Variants in MYH9 observed in about 807,000 individuals in gnomAD.
MYH9 encodes the protein myosin-9.
In MYH9, 29 loss-of-function variants were observed where a neutral mutation model predicts 241.9. The observed-to-expected ratio is 0.12, with a 90% confidence interval of 0.09 to 0.16. The LOEUF (loss-of-function observed/expected upper bound fraction) is 0.16. MYH9 is among the 10% of genes least tolerant of loss of function. The pLI is 1.00. For missense variants in MYH9, 1,803 were observed against 2,595.5 expected, an observed-to-expected ratio of 0.69 and a Z score of 6.63; for synonymous variants, 1,047 against 1,062.6, an observed-to-expected ratio of 0.99 and a Z score of 0.29.
intron 1 of MYH9, among the ~76,000 whole-genome samples, chr22:36,368,978 A>C (rs943603374): frequency 1.3e-5 from 2 of 152,070 alleles, no homozygotes; most frequent in Non-Finnish European, 2.9e-5. Context: ...CCTGTATTAA[A>C]AGGGAAGAGA....
intron 1 of MYH9, among the ~76,000 whole-genome samples, chr22:36,375,955 C>CTTTTTTT (rs751350180): frequency 1.3e-3 from 115 of 89,054 alleles, no homozygotes; most frequent in Non-Finnish European, 1.9e-3. Flanking sequence ...TCAATAATTT[C>CTTTTTTT]TTTTTTTTTT....
At chr22:36,321,625 A>G (rs2017252689) in intron 7 of MYH9, 133 bp downstream of exon 7, 4 of 859,450 alleles carry the variant, frequency 4.7e-6, no homozygotes, top group Admixed American at 1.7e-5. Flanking sequence ...ACAGTCCCCT[A>G]GCTCCACAGA....
intron 13 of MYH9, among the ~76,000 whole-genome samples, chr22:36,312,851 G>A (rs1447280651): frequency 6.6e-6 from 1 of 152,120 alleles, no homozygotes; most frequent in Non-Finnish European, 1.5e-5. Context: ...GCTCACGCCT[G>A]TAATCCCAGC....
intron 25 of MYH9, among the ~76,000 whole-genome samples, chr22:36,296,540 C>CTTTTTTTTTTTTTTTTTTTT (rs67917055): frequency 9.9e-6 from 1 of 100,890 alleles, no homozygotes; most frequent in Non-Finnish European, 2.0e-5. Flanking sequence ...CTGGTCAAGT[C>CTTTTTTTTTTTTTTTTTTTT]TTTTTTTTTT....
chr22:36,325,666 C>T (rs748634145), intron 5 of MYH9, among the ~76,000 whole-genome samples: 8 of 152,230 alleles, frequency 5.3e-5, no homozygotes, highest in Non-Finnish European at 1.0e-4. Flanking sequence ...TGGAGGGCTC[C>T]GTGAGAGCGG....
rs758070954 is a variant in MYH9, at chr22:36,295,502, C to T, written c.3485+3G>A. The T allele has an allele frequency of 6.2e-7, 1 of 1,612,068 alleles. No homozygotes were observed. The highest frequency in any genetic ancestry group is 1.7e-5 in the Admixed American group (1 of 60,002). On this transcript the variant is annotated splice_donor_region_variant and intron_variant, in intron 26 of 40. Transcript: ENST00000216181. This position sits in a 1 kb window ranked among gnomAD's most constrained non-coding sequence, Gnocchi z 4.1. Reference sequence around the variant, plus strand: ...TCCCGAGGGACTTGGTCCCAGGGCACACCTGAGCTCCTGCTGGGCAGCTGT... The same window carrying T: ...TCCCGAGGGACTTGGTCCCAGGGCATACCTGAGCTCCTGCTGGGCAGCTGT...
In MYH9 at chr22:36,322,520, C is replaced by T. The variant is rs1398352381; in HGVS notation, c.614G>A (p.Gly205Asp). 6.2e-7 allele frequency: 1 copy of T among 1,613,626 alleles called. No homozygotes were observed. Among genetic ancestry groups the T allele is most frequent in the Admixed American group, 1.7e-5 (1 of 60,024 alleles). Residue 205 changes from glycine to aspartate, a missense_variant and splice_region_variant, in exon 6 of 41, where the codon GGC becomes GAC. Physicochemically the swap from Gly to Asp is moderately conservative, Grantham distance 94. Around this residue, in one of 11 missense-constraint regions of MYH9, gnomAD observed 222 missense variants for 359.9 expected, o/e 0.62. Coordinates refer to ENST00000216181, the MANE Select transcript of MYH9 (RefSeq NM_002473.6). ...ASSHKSKKDQGELERQLLQAN... is the reference protein window; with the variant it reads ...ASSHKSKKDQDELERQLLQAN... Reference sequence around the variant, plus strand: ...CTGCAGCAGCTGCCGCTCCAGCTCGCCCTGCAAGGAACCCAGGGACGCAGT... The same window carrying T: ...CTGCAGCAGCTGCCGCTCCAGCTCGTCCTGCAAGGAACCCAGGGACGCAGT...
Position 36,305,932 on chromosome 22 carries a change from C to T in MYH9, c.2157G>A (p.Gln719=). Residue 719 remains glutamine (Q), a splice_region_variant and synonymous_variant, in exon 17 of 41, where the codon CAG becomes CAA. Coordinates refer to ENST00000216181, the MANE Select transcript of MYH9 (RefSeq NM_002473.6). The surrounding 1 kb of genome is among the most constrained non-coding windows in gnomAD (Gnocchi z 4.7). Reference sequence around the variant, plus strand: ...GCGGGCTCCGGGCCCTGGCTCACCTCTGCCGAAACTCCTGGAAGACCACCC... The same window carrying T: ...GCGGGCTCCGGGCCCTGGCTCACCTTTGCCGAAACTCCTGGAAGACCACCC... The part of the protein sequence containing the change: ...PNRVVFQEFR[Q]RYEILTPNSI... 1.2e-6 allele frequency: 2 copies of T among 1,613,104 alleles called. No individual in the cohort carries two copies. Among genetic ancestry groups the T allele is most frequent in the Non-Finnish European group, 1.7e-6 (2 of 1,179,956 alleles).
intron 24 of MYH9, 121 bp from the exon 25 acceptor site, chr22:36,297,135 A>C: frequency 8.8e-7 from 1 of 1,139,540 alleles, no homozygotes; most frequent in Non-Finnish European, 1.3e-6. Context: ...AGCATCACAA[A>C]CACACAGACA....
At chr22:36,369,872 T>C (rs1161295875) in intron 1 of MYH9, among the ~76,000 whole-genome samples, 1 of 152,204 alleles carries the variant, frequency 6.6e-6, no homozygotes, top group Non-Finnish European at 1.5e-5. Flanking sequence ...ACGTAGGTTT[T>C]CTTGGACTCT....
chr22:36,322,402 G>C, intron 6 of MYH9, 27 bp downstream of exon 6: 2 of 1,612,180 alleles, frequency 1.2e-6, no homozygotes, highest in Non-Finnish European at 1.7e-6. Flanking sequence ...TCTGTCCCCA[G>C]AGCCGGGGCG....
chr22:36,294,331 G>T, intron 27 of MYH9, 33 bp from the exon 28 acceptor site: 1 of 1,606,580 alleles, frequency 6.2e-7, no homozygotes, highest in Non-Finnish European at 8.5e-7. Flanking sequence ...CGTGAGTGGG[G>T]GCCTCCTGAC....
chr22:36,292,386 C>T, intron 30 of MYH9, 152 bp from the exon 31 acceptor site: 1 of 1,030,848 alleles, frequency 9.7e-7, no homozygotes, highest in South Asian at 1.3e-5. Context: ...CAGTCACTTC[C>T]CTCTCCACAG....
rs374160051 is a variant in MYH9, at chr22:36,300,088, G to A, written c.2976+39C>T. The A allele has an allele frequency of 5.6e-6, 9 of 1,605,186 alleles. No individual in the cohort carries two copies. The highest frequency in any genetic ancestry group is 1.7e-4 in the Middle Eastern group (1 of 6,056). ...GTGACCACACTCTCCCATCCACGGC[G>A]CCCCTGGAGCAGCGGCAGGCGACAG... On this transcript the variant is annotated intron_variant, in intron 23 of 40. Coordinates refer to ENST00000216181, the MANE Select transcript of MYH9 (RefSeq NM_002473.6). The surrounding 1 kb of genome is among the most constrained non-coding windows in gnomAD (Gnocchi z 5.0).
At chr22:36,381,897 C>T (rs1397742766) in intron 1 of MYH9, among the ~76,000 whole-genome samples, 1 of 152,198 alleles carries the variant, frequency 6.6e-6, no homozygotes, top group East Asian at 1.9e-4. Context: ...TCCTTCAGCA[C>T]ATCTGAGTTT....
At position 36,293,724 on chromosome 22, in the gene MYH9, G is replaced by A; in HGVS notation, c.3942+35C>T. Reference sequence around the variant, plus strand: ...CGTGGACACAGAGGCCTTTCTGGAGGGGTCCACCTTCTGGGAACCTGGCGC... The same window carrying A: ...CGTGGACACAGAGGCCTTTCTGGAGAGGTCCACCTTCTGGGAACCTGGCGC... On this transcript the variant is annotated intron_variant, in intron 29 of 40. Transcript: ENST00000216181. This position sits in a 1 kb window ranked among gnomAD's most constrained non-coding sequence, Gnocchi z 5.1. 3 of 1,580,952 alleles carry A rather than the reference G, an allele frequency of 1.9e-6. No individual in the cohort carries two copies. The highest frequency in any genetic ancestry group is 2.6e-6 in the Non-Finnish European group (3 of 1,152,420).
At chr22:36,321,512 T>G (rs753101704) in intron 7 of MYH9, among the ~76,000 whole-genome samples, 10 of 152,172 alleles carry the variant, frequency 6.6e-5, no homozygotes, top group Admixed American at 3.9e-4. Context: ...GGAGCCACAC[T>G]AGACGGCTTT....
intron 1 of MYH9, among the ~76,000 whole-genome samples, chr22:36,359,491 C>T (rs187086994): frequency 1.1e-4 from 16 of 152,312 alleles, no homozygotes; most frequent in Non-Finnish European, 7.4e-5. Flanking sequence ...AACACCAAAC[C>T]ATTTATGGAC....
Position 36,368,084 on chromosome 22 carries a change from A to G in MYH9, c.-19-18829T>C, listed in dbSNP as rs566641336. ...CCGAAGTCAGGCCAACCTGGAGGTAAGCGCTGGATTCTCCTCACTGGTTCA... is the reference window on the plus strand; with the variant it reads ...CCGAAGTCAGGCCAACCTGGAGGTAGGCGCTGGATTCTCCTCACTGGTTCA... On this transcript the variant is annotated intron_variant, in intron 1 of 40. Coordinates refer to ENST00000216181, the MANE Select transcript of MYH9 (RefSeq NM_002473.6). 2.6e-5 allele frequency among the ~76,000 whole-genome samples: 4 copies of G among 152,350 alleles called. No individual in the cohort carries two copies. The South Asian group carries it at 6.2e-4, about 24-fold the overall frequency.
Sources: gnomAD v4.1 joint callset for allele counts (sites outside exome capture counted in the v4.1 genomes callset) on GRCh38, gnomAD v4.1.1 for gene constraint, gnomAD v4.1.1 regional missense constraint, Gnocchi (gnomAD v3.1) non-coding constraint, MANE v1.5 for transcripts, NCBI Gene and HGNC (gene_info 2026-07-23, HGNC 2026-07-21) for gene names.